Variants in SHANK2 observed in about 807,000 individuals in gnomAD.
SHANK2 encodes SH3 and multiple ankyrin repeat domains protein 2.
A neutral mutation model predicts 133.7 loss-of-function variants in SHANK2; 43 were observed. The ratio of observed to expected loss-of-function variants is 0.32; its 90% CI spans 0.25 to 0.41. The LOEUF (loss-of-function observed/expected upper bound fraction) is 0.41. SHANK2 is among the 10% of genes least tolerant of loss of function. SHANK2 has a pLI of 1.00. For missense variants in SHANK2, 1,994 were observed against 2,235.8 expected (o/e 0.89, Z 2.18); for synonymous variants, 1,017 against 952.8 (o/e 1.07, Z -1.24).
chr11:70,521,927 T>C (rs180882570), intron 17 of SHANK2, among the ~76,000 whole-genome samples: 1 of 152,252 alleles, frequency 6.6e-6, no homozygotes, highest in Non-Finnish European at 1.5e-5. Flanking sequence ...TGGTGCTTAG[T>C]GTTCTGCTCT....
intron 17 of SHANK2, among the ~76,000 whole-genome samples, chr11:70,608,504 T>C (rs1447971437): frequency 6.6e-6 from 1 of 152,160 alleles, no homozygotes; most frequent in African/African-American, 2.4e-5. Flanking sequence ...ACCCAGCCTT[T>C]CCCTGAGCCT....
intron 10 of SHANK2, among the ~76,000 whole-genome samples, chr11:71,055,823 G>C (rs1200247390): frequency 6.8e-6 from 1 of 147,422 alleles, no homozygotes; most frequent in East Asian, 2.1e-4. Flanking sequence ...GTGGGTACAG[G>C]GTTTCCTTTT....
Position 70,675,808 on chromosome 11 carries a change from C to T in SHANK2, c.1854-14130G>A, listed in dbSNP as rs189057617. On this transcript the variant is annotated intron_variant, in intron 15 of 25. Transcript: ENST00000601538. Reference sequence around the variant, plus strand: ...GCTGGGTAATGCCAGGGAGGAAGGACACGGTGGGGTGAGCAAGGCCAAAGG... The same window carrying T: ...GCTGGGTAATGCCAGGGAGGAAGGATACGGTGGGGTGAGCAAGGCCAAAGG... 7.2e-5 allele frequency among the ~76,000 whole-genome samples: 11 copies of T among 152,290 alleles called. No individual in the cohort carries two copies. The East Asian group carries it at 1.5e-3, about 21-fold the overall frequency.
chr11:70,506,563 T>TG (rs2059139808), intron 17 of SHANK2, among the ~76,000 whole-genome samples: 1 of 152,324 alleles, frequency 6.6e-6, no homozygotes, highest in Non-Finnish European at 1.5e-5. Flanking sequence ...GGGCATCTGA[T>TG]GCCCCTCTGA....
At chr11:71,186,768 T>C (rs2135564462) in intron 2 of SHANK2, among the ~76,000 whole-genome samples, 1 of 152,352 alleles carries the variant, frequency 6.6e-6, no homozygotes, top group East Asian at 1.9e-4. Flanking sequence ...TGCAGACAGC[T>C]ATCCATAGGA....
chr11:70,914,486 A>T (rs1950239973), intron 10 of SHANK2, among the ~76,000 whole-genome samples: 1 of 151,700 alleles, frequency 6.6e-6, no homozygotes, highest in Non-Finnish European at 1.5e-5. Context: ...CCTTTCAAAA[A>T]CACAACGCCC....
chr11:71,220,398 A>G (rs1555120861), intron 2 of SHANK2, among the ~76,000 whole-genome samples: 1 of 152,214 alleles, frequency 6.6e-6, no homozygotes, highest in African/African-American at 2.4e-5. Flanking sequence ...ATAAAAAACC[A>G]TATGAACCTG....
In SHANK2 at chr11:70,485,321, C is replaced by T. The variant is rs549100069; in HGVS notation, c.4972G>A (p.Ala1658Thr). Residue 1658 changes from alanine (A) to threonine (T), a missense_variant, in exon 25 of 26, where the codon GCT (alanine) becomes ACT (threonine). By Grantham distance (58) the Ala-to-Thr change is moderately conservative. This residue lies in a region of SHANK2 where 797 missense variants were observed against 907.4 expected (regional missense o/e 0.88). Coordinates refer to ENST00000601538, the MANE Select transcript of SHANK2 (RefSeq NM_012309.5). The surrounding 1 kb of genome is among the most constrained non-coding windows in gnomAD (Gnocchi z 5.8). ...SPMGAKSASL[A>T]PRSPEIMSTI... ...CACCAACCGCGGACTTACCTTGGAG[C>T]GAGGCTGGCGGACTTGGCTCCCATT... The T allele has an allele frequency of 3.4e-5, 55 of 1,613,760 alleles. No homozygotes were observed. In the Admixed American group the frequency reaches 5.8e-4, roughly 17 times the overall value.
At chr11:70,678,921 C>T (rs1944966697) in intron 15 of SHANK2, among the ~76,000 whole-genome samples, 1 of 152,170 alleles carries the variant, frequency 6.6e-6, no homozygotes. Context: ...TATTCATTTG[C>T]CTTGACATAC....
intron 10 of SHANK2, among the ~76,000 whole-genome samples, chr11:71,055,783 G>A (rs1404172340): frequency 1.4e-5 from 2 of 142,334 alleles, no homozygotes; most frequent in East Asian, 2.2e-4. Flanking sequence ...GGCTGGGGGA[G>A]GGGGAGGGGG....
Position 70,670,203 on chromosome 11 carries a change from G to A in SHANK2, c.1854-8525C>T, listed in dbSNP as rs115064209. 1.1e-3 allele frequency among the ~76,000 whole-genome samples: 162 copies of A among 152,306 alleles called. 1 individual carries two copies. Among genetic ancestry groups the A allele is most frequent in the African/African-American group, 3.8e-3 (158 of 41,568 alleles). ...CAGGGAAGGGCCTGAGAGCAGCTTC[G>A]CTAAATCATTCCTGGTATAATCGCA... On this transcript the variant is annotated intron_variant, in intron 15 of 25. Coordinates refer to ENST00000601538, the MANE Select transcript of SHANK2 (RefSeq NM_012309.5).
At chr11:71,114,568 G>A (rs539415092) in intron 4 of SHANK2, among the ~76,000 whole-genome samples, 2 of 152,148 alleles carry the variant, frequency 1.3e-5, no homozygotes, top group Non-Finnish European at 2.9e-5. Context: ...CTGTGAAATC[G>A]GAAAGTTCTG....
At chr11:70,609,568 T>G (rs1351836546) in intron 17 of SHANK2, among the ~76,000 whole-genome samples, 1 of 152,120 alleles carries the variant, frequency 6.6e-6, no homozygotes, top group East Asian at 1.9e-4. Flanking sequence ...GCACATCCAC[T>G]GGTGAATGAA....
rs371850334 is a variant in SHANK2 at position 70,954,741 on chromosome 11, G to T, written c.1108-58174C>A. 3.5e-4 allele frequency among the ~76,000 whole-genome samples: 53 copies of T among 152,336 alleles called. 1 individual carries two copies. The East Asian group carries it at 5.2e-3, about 15-fold the overall frequency. ...CACTGGCTTAGCCTGTGGCGATGCT[G>T]GGGTCCATCACCTGATTGCCAGAGA... On this transcript the variant is annotated intron_variant, in intron 10 of 25. Transcript: ENST00000601538.
chr11:70,540,746 C>A (rs1051115430), intron 17 of SHANK2, among the ~76,000 whole-genome samples: 4 of 151,284 alleles, frequency 2.6e-5, no homozygotes, highest in African/African-American at 9.7e-5. Flanking sequence ...TGGTGGCGGG[C>A]GCCTGCAACG....
At chr11:71,165,265 C>T (rs1295303995) in intron 2 of SHANK2, among the ~76,000 whole-genome samples, 7 of 152,242 alleles carry the variant, frequency 4.6e-5, no homozygotes, top group Admixed American at 2.6e-4. Flanking sequence ...AACTCCTGAT[C>T]TCAAGCCATC....
chr11:71,157,896 C>T (rs1555109331), intron 2 of SHANK2, among the ~76,000 whole-genome samples: 4 of 152,144 alleles, frequency 2.6e-5, no homozygotes, highest in Non-Finnish European at 4.4e-5. Context: ...AACAGGTCAA[C>T]AAGCCCCTCC....
At chr11:70,492,271 A>G in intron 22 of SHANK2, 64 bp downstream of exon 22, 10 of 1,597,978 alleles carry the variant, frequency 6.3e-6, no homozygotes, top group Non-Finnish European at 8.5e-6. Flanking sequence ...CTACTGAGAC[A>G]GCCCACCCAC....
intron 17 of SHANK2, among the ~76,000 whole-genome samples, chr11:70,606,462 T>C (rs1034420311): frequency 1.8e-4 from 24 of 136,276 alleles, no homozygotes; most frequent in Non-Finnish European, 3.3e-4. Flanking sequence ...TGTCACGTGA[T>C]TGTACCACTG....
Sources: allele counts gnomAD v4.1 joint callset (sites outside exome capture counted in the v4.1 genomes callset), GRCh38; gene constraint gnomAD v4.1.1; regional missense constraint gnomAD v4.1.1; non-coding constraint Gnocchi (gnomAD v3.1); transcripts MANE v1.5; gene names NCBI Gene and HGNC (gene_info 2026-07-23, HGNC 2026-07-21).